Variants in MAST4 observed in about 807,000 individuals in gnomAD.
The protein encoded by MAST4 is microtubule-associated serine/threonine-protein kinase 4.
Under a neutral mutation model 162.7 loss-of-function variants are expected in MAST4, and 89 were observed. The ratio of observed to expected loss-of-function variants is 0.55; its 90% CI spans 0.46 to 0.65. The LOEUF (loss-of-function observed/expected upper bound fraction) is 0.65, where lower values mean the gene tolerates loss of function less well. Ranked by LOEUF, MAST4 falls within the 30% of genes least tolerant of loss-of-function variation. The pLI, the probability that MAST4 is intolerant of heterozygous loss-of-function variation, is 0.00. For synonymous variants in MAST4, 1,479 were observed against 1,361.1 expected (o/e 1.09, Z -1.91); for missense variants, 3,153 against 3,374.0 (o/e 0.93, Z 1.62).
intron 14 of MAST4, among the ~76,000 whole-genome samples, chr5:67,129,731 A>T (rs1041540884): frequency 1.5e-3 from 1 of 658 alleles, no homozygotes; most frequent in Admixed American, 0.036. Flanking sequence ...CTCAAAAAAA[A>T]AAAAGAAAAA....
At chr5:66,922,081 C>T (rs1018911367) in intron 4 of MAST4, among the ~76,000 whole-genome samples, 10 of 152,126 alleles carry the variant, frequency 6.6e-5, no homozygotes, top group South Asian at 4.2e-4. Context: ...AGTTCCTATG[C>T]GGGACTTCCA....
At chr5:66,746,458 A>C (rs1752764458) in intron 1 of MAST4, among the ~76,000 whole-genome samples, 1 of 152,176 alleles carries the variant, frequency 6.6e-6, no homozygotes, top group African/African-American at 2.4e-5. Context: ...AGAGCTGTGA[A>C]GGATTTATCT....
chr5:67,077,845 A>C (rs1761845558), intron 5 of MAST4, among the ~76,000 whole-genome samples: 1 of 152,212 alleles, frequency 6.6e-6, no homozygotes, highest in Non-Finnish European at 1.5e-5. Context: ...CATGCCTATA[A>C]TCCCAGCACT....
intron 1 of MAST4, among the ~76,000 whole-genome samples, chr5:66,608,739 C>A (rs1013108205): frequency 1.4e-5 from 2 of 138,302 alleles, no homozygotes; most frequent in African/African-American, 5.4e-5. Context: ...AATAGTCATT[C>A]TGAGCATGGC....
At chr5:66,734,247 G>A (rs1028996484) in intron 1 of MAST4, among the ~76,000 whole-genome samples, 2 of 152,108 alleles carry the variant, frequency 1.3e-5, no homozygotes, top group African/African-American at 4.8e-5. Flanking sequence ...CAGACTTTTG[G>A]GGGGCTTTTA....
intron 4 of MAST4, chr5:67,004,987 G>A (rs750605434): frequency 2.6e-6 from 2 of 767,798 alleles, no homozygotes; most frequent in African/African-American, 1.7e-5. Flanking sequence ...ATTGAAGAGA[G>A]AAAGAAATGG....
At chr5:66,777,367 A>G (rs1212129569) in intron 2 of MAST4, among the ~76,000 whole-genome samples, 1 of 152,156 alleles carries the variant, frequency 6.6e-6, no homozygotes, top group Non-Finnish European at 1.5e-5. Flanking sequence ...TTGTCAGATG[A>G]TAGGTTCTTT....
At chr5:66,777,643 G>C (rs1222200704) in intron 2 of MAST4, among the ~76,000 whole-genome samples, 2 of 152,188 alleles carry the variant, frequency 1.3e-5, no homozygotes, top group Non-Finnish European at 2.9e-5. Flanking sequence ...TTTAGATGGA[G>C]TGAAATCTTA....
intron 1 of MAST4, among the ~76,000 whole-genome samples, chr5:66,654,166 A>G (rs1379257867): frequency 1.3e-5 from 2 of 152,212 alleles, no homozygotes; most frequent in African/African-American, 4.8e-5. Context: ...TAGGGGCTAC[A>G]GATGGGATGG....
intron 4 of MAST4, among the ~76,000 whole-genome samples, chr5:67,007,748 C>G: frequency 6.6e-6 from 1 of 152,122 alleles, no homozygotes. Flanking sequence ...TTTTGGTTTG[C>G]TACATTACGT....
chr5:66,843,451 A>G (rs1758568493), intron 3 of MAST4, among the ~76,000 whole-genome samples: 1 of 152,268 alleles, frequency 6.6e-6, no homozygotes, highest in Non-Finnish European at 1.5e-5. Flanking sequence ...ATGGTCGCTT[A>G]ACAGAGAGGA....
At chr5:66,855,795 C>A (rs1046559559) in intron 3 of MAST4, among the ~76,000 whole-genome samples, 4 of 152,194 alleles carry the variant, frequency 2.6e-5, no homozygotes, top group Admixed American at 6.5e-5. Context: ...CTTTGTTTCA[C>A]TTCTGGGCCT....
intron 4 of MAST4, among the ~76,000 whole-genome samples, chr5:67,023,520 A>G (rs1229976971): frequency 6.6e-6 from 1 of 152,176 alleles, no homozygotes; most frequent in African/African-American, 2.4e-5. Context: ...AGATACATCT[A>G]GGTGGCTCAT....
At chr5:67,095,736 G>T in intron 7 of MAST4, 61 bp downstream of exon 7, 1 of 1,275,776 alleles carries the variant, frequency 7.8e-7, no homozygotes. Context: ...TATTACACAG[G>T]CAGTGTTTTC....
chr5:67,114,247 G>A, intron 12 of MAST4, 28 bp downstream of exon 12: 1 of 1,598,586 alleles, frequency 6.3e-7, no homozygotes, highest in Non-Finnish European at 8.5e-7. Flanking sequence ...TCCTACCTTT[G>A]ACTTTGCTTA....
At chr5:66,922,359 C>G (rs1380254962) in intron 4 of MAST4, among the ~76,000 whole-genome samples, 1 of 152,154 alleles carries the variant, frequency 6.6e-6, no homozygotes, top group Non-Finnish European at 1.5e-5. Context: ...AGAGAAATAG[C>G]CTCTTTCCTT....
At chr5:66,658,876 G>A (rs558567560) in intron 1 of MAST4, among the ~76,000 whole-genome samples, 7 of 152,188 alleles carry the variant, frequency 4.6e-5, no homozygotes, top group African/African-American at 1.7e-4. Context: ...TAAAGAATTA[G>A]CTGGGCATGG....
chr5:67,149,856 CTGTTT>C (rs1771587214), intron 24 of MAST4, among the ~76,000 whole-genome samples: 1 of 152,104 alleles, frequency 6.6e-6, no homozygotes, highest in African/African-American at 2.4e-5. Flanking sequence ...AAGCTTGTTT[CTGTTT>C]TGTTTCCTTT....
intron 3 of MAST4, among the ~76,000 whole-genome samples, chr5:66,801,579 A>G (rs547740263): frequency 8.1e-4 from 124 of 152,364 alleles, no homozygotes; most frequent in African/African-American, 2.8e-3. Flanking sequence ...GGAATAAACT[A>G]CAAGATCTGC....
Sources: allele counts gnomAD v4.1 joint callset (sites outside exome capture counted in the v4.1 genomes callset), GRCh38; gene constraint gnomAD v4.1.1; transcripts MANE v1.5; gene names NCBI Gene and HGNC (gene_info 2026-07-23, HGNC 2026-07-21).